The following GSE1 variants were observed in gnomAD, a reference collection of about 807,000 sequenced individuals.
GSE1 encodes genetic suppressor element 1.
A neutral mutation model predicts 112.6 loss-of-function variants in GSE1; 32 were observed. That is an observed-to-expected ratio of 0.28 (90% CI 0.21 to 0.38). The LOEUF (loss-of-function observed/expected upper bound fraction) is 0.38. GSE1 is among the 10% of genes least tolerant of loss of function. The pLI is 1.00. For missense variants in GSE1, 2,348 were observed against 1,699.2 expected (o/e 1.38, Z -6.71); for synonymous variants, 1,115 against 735.6 (o/e 1.52, Z -8.35).
intron 1 of GSE1, among the ~76,000 whole-genome samples, chr16:85,239,159 C>G (rs866183773): frequency 2.6e-5 from 4 of 152,092 alleles, no homozygotes; most frequent in Non-Finnish European, 4.4e-5. Context: ...CTCGAACTCC[C>G]GACCTCAAGT....
chr16:85,556,334 G>T (rs2045209116), exon 1 of GSE1: 1 of 984,826 alleles, frequency 1.0e-6, no homozygotes, highest in African/African-American at 1.7e-5. Flanking sequence ...ACCATGTTTG[G>T]ATTGAAGCCG....
At chr16:85,593,823 G>C (rs1412388270) in intron 1 of GSE1, 2 of 152,258 alleles carry the variant, frequency 1.3e-5, no homozygotes, top group African/African-American at 4.8e-5. Flanking sequence ...AGCTGCTTTT[G>C]TTACACCTGC....
chr16:85,669,597 T>C (rs1382796565), intron 14 of GSE1, among the ~76,000 whole-genome samples: 2 of 152,202 alleles, frequency 1.3e-5, no homozygotes, highest in Non-Finnish European at 2.9e-5. Context: ...CCAGAAGCAA[T>C]ACACAGTGAT....
At chr16:85,647,644 C>G (rs1298088882) in intron 2 of GSE1, among the ~76,000 whole-genome samples, 1 of 152,104 alleles carries the variant, frequency 6.6e-6, no homozygotes, top group Non-Finnish European at 1.5e-5. Flanking sequence ...TGGAGTGCGG[C>G]AGCACGATCT....
At chr16:85,275,413 C>T (rs1007137160) in intron 1 of GSE1, among the ~76,000 whole-genome samples, 1 of 152,192 alleles carries the variant, frequency 6.6e-6, no homozygotes, top group African/African-American at 2.4e-5. Flanking sequence ...GCTGAGGGCT[C>T]ACTCCCTTGG....
chr16:85,311,342 GTGGCAGGACCCAAGAC>G lies in GSE1; in HGVS notation c.2284-46118_2284-46103del, dbSNP rs781576227. Among the ~76,000 whole-genome samples the G allele has an allele frequency of 1.1e-4, 17 of 152,240 alleles. No individual in the cohort carries two copies. Among genetic ancestry groups the G allele is most frequent in the Non-Finnish European group, 2.1e-4 (14 of 68,044 alleles). On this transcript the variant is annotated intron_variant, in intron 1 of 2. Transcript: ENST00000637419. This position sits in a 1 kb window ranked among gnomAD's most constrained non-coding sequence, Gnocchi z 4.2. ...GGGCGTCGTTAGAGCAGAAACGGTG[GTGGCAGGACCCAAGAC>G]TGTGCAGTTCTAAACCAGCTCTGGT... is the stretch of plus-strand genomic sequence containing the variant.
At chr16:85,672,252 C>T in intron 15 of GSE1, 153 bp from the exon 16 acceptor site, 1 of 635,500 alleles carries the variant, frequency 1.6e-6, no homozygotes, top group Non-Finnish European at 2.9e-6. Flanking sequence ...GCCTCGACCT[C>T]CAAAAGTGCT....
chr16:85,635,891 C>T (rs974407074), intron 2 of GSE1, among the ~76,000 whole-genome samples: 11 of 152,236 alleles, frequency 7.2e-5, no homozygotes, highest in African/African-American at 2.7e-4. Flanking sequence ...TTCAGACTCG[C>T]CTTCCCTCCC....
intron 2 of GSE1, among the ~76,000 whole-genome samples, chr16:85,424,931 A>G (rs1341694473): frequency 6.6e-6 from 1 of 152,236 alleles, no homozygotes; most frequent in East Asian, 1.9e-4. Context: ...TTATTTTAAC[A>G]TGTGTCAGGG....
At position 85,654,937 on chromosome 16, in the gene GSE1, C is replaced by G; in HGVS notation, c.743C>G (p.Ala248Gly). 1 of 1,610,790 alleles carries G rather than the reference C, an allele frequency of 6.2e-7. No individual in the cohort carries two copies. The highest frequency in any genetic ancestry group is 2.2e-5 in the East Asian group (1 of 44,866). ...GGCCTGGACCCGGCCACTGCTGCAG[C>G]CTACTACCACCCCAGCTACCTGGCC... The part of the protein sequence containing the change: ...PLGLDPATAA[A>G]YYHPSYLAPH... The change falls in exon 5 of 16, where the codon GCC becomes GGC. Residue 248 changes from alanine to glycine, a missense_variant. Physicochemically the swap from Ala to Gly is moderately conservative, Grantham distance 60. Coordinates refer to ENST00000253458, the MANE Select transcript of GSE1 (RefSeq NM_014615.5).
At chr16:85,395,048 C>T (rs7193610) in intron 2 of GSE1, among the ~76,000 whole-genome samples, 3,329 of 152,112 alleles carry the variant, frequency 0.022, 129 homozygotes, top group African/African-American at 0.074. Flanking sequence ...GCATTCTCGA[C>T]GCGGGGAATG....
chr16:85,518,503 C>T (rs2052029502), intron 2 of GSE1, among the ~76,000 whole-genome samples: 1 of 152,048 alleles, frequency 6.6e-6, no homozygotes, highest in Non-Finnish European at 1.5e-5. Context: ...GGAGCCAAGG[C>T]TGGGCTGCTG....
At chr16:85,367,762 G>T (rs1262636081) in intron 2 of GSE1, among the ~76,000 whole-genome samples, 2 of 151,780 alleles carry the variant, frequency 1.3e-5, no homozygotes, top group Non-Finnish European at 2.9e-5. Context: ...GTAAACTTTT[G>T]TTGAGTGAAT....
intron 1 of GSE1, among the ~76,000 whole-genome samples, chr16:85,187,118 G>C (rs1256061081): frequency 6.6e-6 from 1 of 152,230 alleles, no homozygotes; most frequent in Non-Finnish European, 1.5e-5. Flanking sequence ...GTCGCCTCCA[G>C]GTCTGGAGCC....
chr16:85,641,019 C>T (rs1160569102), intron 2 of GSE1, among the ~76,000 whole-genome samples: 1 of 152,228 alleles, frequency 6.6e-6, no homozygotes, highest in Non-Finnish European at 1.5e-5. Context: ...GAGCCCTGGG[C>T]AGGGTGGAGG....
chr16:85,543,147 G>T (rs1449020104), intron 2 of GSE1, among the ~76,000 whole-genome samples: 1 of 150,336 alleles, frequency 6.7e-6, no homozygotes, highest in Non-Finnish European at 1.5e-5. Flanking sequence ...AGAAGGCAGA[G>T]CTTACAGTGA....
intron 1 of GSE1, among the ~76,000 whole-genome samples, chr16:85,589,844 ATG>A (rs1470075663): frequency 1.3e-5 from 2 of 151,838 alleles, no homozygotes; most frequent in Non-Finnish European, 1.5e-5. Context: ...GTGTGTGAAC[ATG>A]TGTGAGATAT....
intron 2 of GSE1, among the ~76,000 whole-genome samples, chr16:85,647,459 A>C (rs527787187): frequency 6.6e-6 from 1 of 152,330 alleles, no homozygotes; most frequent in Non-Finnish European, 1.5e-5. Context: ...AAATTTAAAA[A>C]TAAATGGATC....
At chr16:85,312,036 G>C (rs1268627550) in intron 1 of GSE1, among the ~76,000 whole-genome samples, 1 of 152,174 alleles carries the variant, frequency 6.6e-6, no homozygotes, top group East Asian at 1.9e-4. Context: ...CTGGGACCAG[G>C]GTGGCCCAGG....
Sources: gnomAD v4.1 joint callset for allele counts (sites outside exome capture counted in the v4.1 genomes callset) on GRCh38, gnomAD v4.1.1 for gene constraint, Gnocchi (gnomAD v3.1) non-coding constraint, MANE v1.5 for transcripts, NCBI Gene and HGNC (gene_info 2026-07-23, HGNC 2026-07-21) for gene names.